Variants in SGCD observed in about 807,000 individuals in gnomAD.
The protein encoded by SGCD is sarcoglycan delta.
In SGCD, 18 loss-of-function variants were observed where a neutral mutation model predicts 36.6. The observed-to-expected ratio is 0.49, with a 90% confidence interval of 0.34 to 0.73. The LOEUF (loss-of-function observed/expected upper bound fraction) is 0.73. Among genes scored for constraint, SGCD ranks in the 30% least tolerant of loss-of-function variants. The pLI is 0.01. For missense variants in SGCD, 387 were observed against 346.7 expected (o/e 1.12, Z -0.92); for synonymous variants, 133 against 130.6 (o/e 1.02, Z -0.12).
chr5:155,901,168 C>T (rs754138286), intron 1 of SGCD, among the ~76,000 whole-genome samples: 55 of 151,714 alleles, frequency 3.6e-4, no homozygotes, highest in Admixed American at 1.2e-3. Flanking sequence ...AAAAATTAGC[C>T]GGCGGTGGTG....
chr5:155,945,009 GT>G (rs1445971573), intron 1 of SGCD, among the ~76,000 whole-genome samples: 12 of 152,056 alleles, frequency 7.9e-5, no homozygotes, highest in African/African-American at 2.9e-4. Context: ...GATACCAGTG[GT>G]TTTATTTGTT....
chr5:155,807,753 A>G, the SGCD span, among the ~76,000 whole-genome samples: 2 of 152,098 alleles, frequency 1.3e-5, no homozygotes, highest in South Asian at 2.1e-4. Flanking sequence ...ATGTGTATTT[A>G]TTTGTTTGTT....
At chr5:156,432,509 G>A (rs1230937983) in intron 3 of SGCD, among the ~76,000 whole-genome samples, 1 of 152,090 alleles carries the variant, frequency 6.6e-6, no homozygotes, top group African/African-American at 2.4e-5. Flanking sequence ...CATTGGGCGG[G>A]GCCATAAAGC....
intron 1 of SGCD, among the ~76,000 whole-genome samples, chr5:155,975,085 G>A (rs1465670035): frequency 6.6e-6 from 1 of 152,178 alleles, no homozygotes; most frequent in Non-Finnish European, 1.5e-5. Flanking sequence ...CCTTGATGAT[G>A]AATGAAGAAG....
intron 7 of SGCD, among the ~76,000 whole-genome samples, chr5:156,733,221 C>T (rs553145647): frequency 6.6e-6 from 1 of 152,104 alleles, no homozygotes; most frequent in Admixed American, 6.5e-5. Context: ...TTAACACTTC[C>T]TTAGCTGTGT....
rs1757525610 is a variant in SGCD, at chr5:156,763,037, G to T, written c.*3647G>T. On this transcript the variant is annotated 3_prime_UTR_variant, in exon 9 of 9. Coordinates refer to ENST00000337851, the MANE Select transcript of SGCD (RefSeq NM_000337.6). ...CTGCCAGAGAAACACAGGCTCAGAG[G>T]ATGCCTGGGAACAGGGAGGATGGGA... 1 of 152,594 alleles carries T rather than the reference G, an allele frequency of 6.6e-6. No homozygotes were observed. The highest frequency in any genetic ancestry group is 2.1e-4 in the South Asian group (1 of 4,830). The allele number at this position is 152,594 out of a possible 1,614,324, so 9.5% of individuals were successfully genotyped here.
chr5:155,835,815 G>A, the SGCD span, among the ~76,000 whole-genome samples: 3 of 152,134 alleles, frequency 2.0e-5, no homozygotes, highest in South Asian at 6.2e-4. Flanking sequence ...CATTCCAGGA[G>A]TAAACAATTT....
chr5:156,478,310 G>T (rs1755277758), intron 3 of SGCD, among the ~76,000 whole-genome samples: 1 of 152,106 alleles, frequency 6.6e-6, no homozygotes, highest in Non-Finnish European at 1.5e-5. Flanking sequence ...AGACCTCAAG[G>T]GCAGTCACTG....
In SGCD at chr5:156,760,213, G is replaced by T. The variant is rs374692334; in HGVS notation, c.*823G>T. On this transcript the variant is annotated 3_prime_UTR_variant, in exon 9 of 9. Coordinates refer to ENST00000337851, the MANE Select transcript of SGCD (RefSeq NM_000337.6). ...ATGGCCTGATGGGCAATGAACAAAC[G>T]GGTGATATGTCTCTGTTTAAGGGAA... is the stretch of plus-strand genomic sequence containing the variant. The T allele has an allele frequency of 3.9e-5, 6 of 152,146 alleles. No homozygotes were observed. The highest frequency in any genetic ancestry group is 8.8e-5 in the Non-Finnish European group (6 of 68,042). The allele number at this position is 152,146 out of a possible 1,614,324, so 9.4% of individuals were successfully genotyped here. A position where few individuals can be genotyped will look rare whatever the true frequency, so the allele number is the denominator to read the frequency against.
intron 7 of SGCD, among the ~76,000 whole-genome samples, chr5:156,689,224 A>G (rs769593809): frequency 1.3e-5 from 2 of 152,216 alleles, no homozygotes; most frequent in Non-Finnish European, 2.9e-5. Flanking sequence ...AACTCCCTGC[A>G]CTATTTTTAC....
intron 6 of SGCD, among the ~76,000 whole-genome samples, chr5:156,606,819 G>T (rs1489642106): frequency 2.0e-5 from 3 of 152,156 alleles, no homozygotes; most frequent in African/African-American, 7.2e-5. Flanking sequence ...ATTGTGATTG[G>T]AAGTTCACTC....
At chr5:155,881,926 A>G (rs892200131) in intron 1 of SGCD, among the ~76,000 whole-genome samples, 2 of 152,302 alleles carry the variant, frequency 1.3e-5, no homozygotes, top group African/African-American at 4.8e-5. Context: ...GCAGCAAGTC[A>G]GGCACATCTT....
At chr5:156,107,810 C>G (rs1761682881) in intron 1 of SGCD, among the ~76,000 whole-genome samples, 1 of 152,120 alleles carries the variant, frequency 6.6e-6, no homozygotes, top group South Asian at 2.1e-4. Context: ...TCCATGGAAA[C>G]AGCAATTCTC....
At chr5:156,527,673 CT>C (rs1398774564) in intron 4 of SGCD, among the ~76,000 whole-genome samples, 2 of 151,940 alleles carry the variant, frequency 1.3e-5, no homozygotes, top group Admixed American at 6.6e-5. Context: ...TTTTCTGTAG[CT>C]TTTTTTTAAG....
At position 156,059,063 on chromosome 5, in the gene SGCD, C is replaced by G. The variant is rs113589786; in HGVS notation, c.-281-58815C>G. ...ATTTTTATTTTCTTTTTTGTGCTTC[C>G]TCATAATTTTCAAATTTCTACAAGT... On this transcript the variant is annotated intron_variant, in intron 1 of 9. Coordinates refer to the SGCD transcript ENST00000517913. Among the ~76,000 whole-genome samples the G allele has an allele frequency of 3.0e-3, 439 of 144,658 alleles. 31 individuals carry two copies. The highest frequency in any genetic ancestry group is 0.01 in the African/African-American group (419 of 40,318). 94.9% of individuals were successfully genotyped at this position (144,658 alleles called of 152,430 possible).
At chr5:155,772,684 C>T in the SGCD span, among the ~76,000 whole-genome samples, 7 of 152,120 alleles carry the variant, frequency 4.6e-5, no homozygotes, top group African/African-American at 7.2e-5. Context: ...TAATGGTTTT[C>T]TGGGTGGCTG....
chr5:156,069,748 A>T (rs567996875), intron 1 of SGCD, among the ~76,000 whole-genome samples: 1 of 143,206 alleles, frequency 7.0e-6, no homozygotes, highest in South Asian at 2.1e-4. Context: ...GATTCTTCCT[A>T]CCCATAAGCA....
chr5:156,365,591 CACAT>C (rs1410782914), intron 3 of SGCD, among the ~76,000 whole-genome samples: 1 of 152,102 alleles, frequency 6.6e-6, no homozygotes, highest in African/African-American at 2.4e-5. Context: ...TTTCTTTCCC[CACAT>C]ACATATGCAT....
the SGCD span, among the ~76,000 whole-genome samples, chr5:155,818,379 G>A: frequency 7.1e-3 from 1,085 of 152,236 alleles, 6 homozygotes; most frequent in South Asian, 0.021. Context: ...GGAGGAGATC[G>A]AAGGAATGGG....
Sources: allele counts gnomAD v4.1 joint callset (sites outside exome capture counted in the v4.1 genomes callset), GRCh38; gene constraint gnomAD v4.1.1; transcripts MANE v1.5; gene names NCBI Gene and HGNC (gene_info 2026-07-23, HGNC 2026-07-21).